OSBPL6: variants seen among roughly 807,000 people sequenced by gnomAD.
OSBPL6 encodes oxysterol binding protein like 6.
In OSBPL6, 49 loss-of-function variants were observed where a neutral mutation model predicts 125.8. The observed-to-expected ratio is 0.39, with a 90% CI of 0.31 to 0.49. The LOEUF (loss-of-function observed/expected upper bound fraction) is 0.49, where lower values mean the gene tolerates loss of function less well. Among genes scored for constraint, OSBPL6 ranks in the 20% least tolerant of loss-of-function variants. The pLI, the probability that OSBPL6 is intolerant of heterozygous loss-of-function variation, is 0.88. For synonymous variants in OSBPL6, 394 were observed against 391.8 expected, an observed-to-expected ratio of 1.01 and a Z score of -0.07; for missense variants, 986 against 1,135.4, an observed-to-expected ratio of 0.87 and a Z score of 1.89.
intron 1 of OSBPL6, among the ~76,000 whole-genome samples, chr2:178,234,733 G>A (rs1037653163): frequency 6.6e-6 from 1 of 152,102 alleles, no homozygotes; most frequent in Non-Finnish European, 1.5e-5. Flanking sequence ...TTATGATCTA[G>A]GGTAGTTTTT....
chr2:178,207,931 A>G (rs1185729440), intron 1 of OSBPL6, among the ~76,000 whole-genome samples: 1 of 152,214 alleles, frequency 6.6e-6, no homozygotes, highest in Non-Finnish European at 1.5e-5. Context: ...TAACCAAATT[A>G]TGGAGATTGA....
At chr2:178,380,473 A>G (rs1051080828) in intron 15 of OSBPL6, among the ~76,000 whole-genome samples, 7 of 150,550 alleles carry the variant, frequency 4.6e-5, no homozygotes, top group Non-Finnish European at 5.9e-5. Flanking sequence ...AAAAAAAAAA[A>G]AAAAAAAAAA....
chr2:178,352,112 A>C (rs1691314931), intron 12 of OSBPL6, among the ~76,000 whole-genome samples: 1 of 152,190 alleles, frequency 6.6e-6, no homozygotes, highest in African/African-American at 2.4e-5. Context: ...TTACATGGGC[A>C]CTCCATTCCA....
intron 1 of OSBPL6, among the ~76,000 whole-genome samples, chr2:178,219,586 G>C (rs952304045): frequency 2.0e-5 from 3 of 152,198 alleles, no homozygotes; most frequent in Admixed American, 2.0e-4. Context: ...TGAAATATGT[G>C]TCAGCCTCCG....
chr2:178,294,543 A>G (rs907189642), intron 2 of OSBPL6, among the ~76,000 whole-genome samples: 2 of 152,166 alleles, frequency 1.3e-5, no homozygotes, highest in Non-Finnish European at 2.9e-5. Context: ...TGTTGCATTT[A>G]ATGTTTAAAA....
intron 2 of OSBPL6, among the ~76,000 whole-genome samples, chr2:178,297,155 CT>C (rs201062716): frequency 3.3e-4 from 49 of 150,732 alleles, no homozygotes; most frequent in Admixed American, 2.2e-3. Context: ...TCTGGCAGGC[CT>C]TTTTTTTTAG....
intron 15 of OSBPL6, among the ~76,000 whole-genome samples, chr2:178,379,197 A>G (rs965983838): frequency 2.0e-5 from 3 of 151,552 alleles, no homozygotes; most frequent in Non-Finnish European, 4.4e-5. Context: ...AACGAAAAAA[A>G]GAAAGGAAGG....
chr2:178,290,734 T>C (rs1018159099), intron 2 of OSBPL6, among the ~76,000 whole-genome samples: 3 of 152,128 alleles, frequency 2.0e-5, no homozygotes, highest in Non-Finnish European at 1.5e-5. Flanking sequence ...CCTGGTTCTT[T>C]TTAATAGGAA....
intron 3 of OSBPL6, 25 bp from the exon 4 acceptor site, chr2:178,324,152 G>C: frequency 7.0e-7 from 1 of 1,429,228 alleles, no homozygotes; most frequent in Non-Finnish European, 9.6e-7. Context: ...GTCTAACCCT[G>C]GGCTATGTTT....
At chr2:178,269,288 C>G (rs1356525813) in intron 1 of OSBPL6, among the ~76,000 whole-genome samples, 1 of 152,066 alleles carries the variant, frequency 6.6e-6, no homozygotes, top group Non-Finnish European at 1.5e-5. Flanking sequence ...CTGGAAGGTC[C>G]CACAATATTA....
rs1696082157 is a variant in OSBPL6, at chr2:178,400,803, AAGTT to A, written c.*5247_*5250del. On this transcript the variant is annotated 3_prime_UTR_variant, in exon 25 of 25. Coordinates refer to ENST00000190611, the MANE Select transcript of OSBPL6 (RefSeq NM_032523.4). ...ATTGATCTGCTTTTATTATTTTTAAAAGTTAGCGTATTTTCTTATATGTATTGCA... is the reference window on the plus strand; with the variant it reads ...ATTGATCTGCTTTTATTATTTTTAAAAGCGTATTTTCTTATATGTATTGCA... 1.3e-5 allele frequency: 2 copies of A among 152,118 alleles called. No individual in the cohort carries two copies. Among genetic ancestry groups the A allele is most frequent in the South Asian group, 2.1e-4 (1 of 4,824 alleles). 9.4% of individuals were successfully genotyped at this position (152,118 alleles called of 1,614,324 possible). A position where few individuals can be genotyped will look rare whatever the true frequency, so the allele number is the denominator to read the frequency against.
intron 1 of OSBPL6, among the ~76,000 whole-genome samples, chr2:178,257,807 T>A (rs1278981541): frequency 2.0e-5 from 3 of 151,930 alleles, no homozygotes. Context: ...TCCTTTTTTT[T>A]TTTTTGAGAC....
intron 14 of OSBPL6, among the ~76,000 whole-genome samples, chr2:178,373,296 A>G (rs1045414797): frequency 5.3e-5 from 8 of 152,004 alleles, no homozygotes; most frequent in African/African-American, 1.9e-4. Context: ...TTCAACCTGA[A>G]ATGTGCACTA....
At chr2:178,284,138 G>A (rs1683854233) in intron 1 of OSBPL6, among the ~76,000 whole-genome samples, 1 of 152,124 alleles carries the variant, frequency 6.6e-6, no homozygotes, top group African/African-American at 2.4e-5. Flanking sequence ...ATTGTTCTAG[G>A]AGTTTGGCTA....
intron 1 of OSBPL6, among the ~76,000 whole-genome samples, chr2:178,235,505 C>T (rs1358951891): frequency 7.0e-6 from 1 of 142,972 alleles, no homozygotes; most frequent in Admixed American, 7.6e-5. Context: ...CTCCTGGGTT[C>T]AAGCAATTCT....
chr2:178,364,913 G>A (rs1044340391), intron 13 of OSBPL6, among the ~76,000 whole-genome samples: 5 of 152,142 alleles, frequency 3.3e-5, no homozygotes, highest in African/African-American at 4.8e-5. Context: ...CGGGCGCGGT[G>A]GCTCAAAATA....
At chr2:178,357,284 C>T (rs1213216864) in intron 12 of OSBPL6, among the ~76,000 whole-genome samples, 7 of 152,194 alleles carry the variant, frequency 4.6e-5, no homozygotes, top group Non-Finnish European at 7.3e-5. Context: ...AAGAAACTAC[C>T]ATCAGAATGA....
At chr2:178,240,259 G>T (rs978858220) in intron 1 of OSBPL6, among the ~76,000 whole-genome samples, 1 of 152,068 alleles carries the variant, frequency 6.6e-6, no homozygotes, top group East Asian at 1.9e-4. Flanking sequence ...CTAATTTTAT[G>T]TGTATCTTGC....
At chr2:178,291,163 A>G (rs1029385061) in intron 2 of OSBPL6, among the ~76,000 whole-genome samples, 2 of 151,674 alleles carry the variant, frequency 1.3e-5, no homozygotes, top group Non-Finnish European at 1.5e-5. Context: ...AAATTTCTGT[A>G]TGAAGACAGA....
Sources: gnomAD v4.1 joint callset for allele counts (sites outside exome capture counted in the v4.1 genomes callset) on GRCh38, gnomAD v4.1.1 for gene constraint, MANE v1.5 for transcripts, NCBI Gene and HGNC (gene_info 2026-07-23, HGNC 2026-07-21) for gene names.